Variants in RSPO2 observed in about 807,000 individuals in gnomAD.
RSPO2 encodes the protein R-spondin-2.
In RSPO2, 14 loss-of-function variants were observed where a neutral mutation model predicts 30.9. That is an observed-to-expected ratio of 0.45 (90% confidence interval 0.30 to 0.71). The LOEUF is 0.71. Among genes scored for constraint, RSPO2 ranks in the 30% least tolerant of loss-of-function variants. RSPO2 has a pLI of 0.08. For missense variants in RSPO2, 264 were observed against 301.9 expected (o/e 0.87, Z 0.93); for synonymous variants, 107 against 96.4 (o/e 1.11, Z -0.64).
chr8:108,044,587 C>G (rs1193858958), intron 2 of RSPO2, among the ~76,000 whole-genome samples: 1 of 151,780 alleles, frequency 6.6e-6, no homozygotes, highest in African/African-American at 2.4e-5. Flanking sequence ...ATATATGTAC[C>G]ATATTTTCTT....
chr8:107,938,250 C>T (rs1004567849), intron 5 of RSPO2, among the ~76,000 whole-genome samples: 1 of 152,014 alleles, frequency 6.6e-6, no homozygotes, highest in African/African-American at 2.4e-5. Flanking sequence ...AAAATTAACC[C>T]AGAAATACTC....
chr8:108,014,409 G>A (rs1810808655), intron 2 of RSPO2, among the ~76,000 whole-genome samples: 1 of 152,146 alleles, frequency 6.6e-6, no homozygotes, highest in Non-Finnish European at 1.5e-5. Context: ...GCTTATTGCA[G>A]TACTGTTCAC....
chr8:108,045,745 T>C (rs1023835641), intron 2 of RSPO2, among the ~76,000 whole-genome samples: 3 of 152,288 alleles, frequency 2.0e-5, no homozygotes, highest in Admixed American at 6.5e-5. Context: ...CTGTATATGT[T>C]ATACTGATAC....
chr8:107,933,242 T>C (rs1169908709), intron 5 of RSPO2, among the ~76,000 whole-genome samples: 1 of 152,178 alleles, frequency 6.6e-6, no homozygotes, highest in Non-Finnish European at 1.5e-5. Flanking sequence ...AGAAATCAGA[T>C]GGCATCATTT....
chr8:108,037,892 C>A (rs957964880), intron 2 of RSPO2, among the ~76,000 whole-genome samples: 1 of 152,192 alleles, frequency 6.6e-6, no homozygotes, highest in African/African-American at 2.4e-5. Flanking sequence ...TGACAATGCA[C>A]CTGGGTCAAC....
At position 108,077,588 on chromosome 8, in the gene RSPO2, C is replaced by T. The variant is rs567710833; in HGVS notation, c.94+4957G>A. ...TGAAAATCTTTTAGTTCTGAAATCC[C>T]GATCCTCCATAATTATACTATACTC... is the stretch of plus-strand genomic sequence containing the variant. On this transcript the variant is annotated intron_variant, in intron 2 of 5. Coordinates refer to ENST00000276659, the MANE Select transcript of RSPO2 (RefSeq NM_178565.5). Among the ~76,000 whole-genome samples, 8 of 149,924 alleles carry T rather than the reference C, an allele frequency of 5.3e-5. No homozygotes were observed. The East Asian group carries it at 1.4e-3, about 26-fold the overall frequency.
intron 2 of RSPO2, among the ~76,000 whole-genome samples, chr8:108,067,969 T>C (rs1203877824): frequency 6.6e-6 from 1 of 152,056 alleles, no homozygotes; most frequent in African/African-American, 2.4e-5. Context: ...CTCAGGAGGC[T>C]GAGGCGGGAG....
intron 3 of RSPO2, among the ~76,000 whole-genome samples, chr8:107,976,863 T>C (rs1418877950): frequency 6.6e-6 from 1 of 152,242 alleles, no homozygotes; most frequent in Non-Finnish European, 1.5e-5. Flanking sequence ...GTAGAAGCTA[T>C]AGTTCAATCA....
intron 2 of RSPO2, among the ~76,000 whole-genome samples, chr8:108,019,033 G>A (rs1479676963): frequency 6.6e-6 from 1 of 152,154 alleles, no homozygotes; most frequent in South Asian, 2.1e-4. Context: ...AGCAAACTTG[G>A]TAGAAGATTA....
chr8:107,963,231 T>TAAA (rs5893893), intron 3 of RSPO2, among the ~76,000 whole-genome samples: 1 of 144,754 alleles, frequency 6.9e-6, no homozygotes. Flanking sequence ...ATTGTTAAGT[T>TAAA]AAAAAAAAAA....
At chr8:107,998,583 G>GA (rs1171033387) in intron 2 of RSPO2, among the ~76,000 whole-genome samples, 1 of 152,032 alleles carries the variant, frequency 6.6e-6, no homozygotes, top group African/African-American at 2.4e-5. Context: ...GCCTTGGATA[G>GA]AAAATAAATA....
chr8:108,017,247 G>T (rs28846813), intron 2 of RSPO2, among the ~76,000 whole-genome samples: 23 of 152,082 alleles, frequency 1.5e-4, no homozygotes, highest in South Asian at 4.1e-4. Context: ...TCGATCTCAT[G>T]ACCTCGTGAT....
At chr8:108,013,411 A>T (rs1229509161) in intron 2 of RSPO2, among the ~76,000 whole-genome samples, 8 of 152,158 alleles carry the variant, frequency 5.3e-5, no homozygotes, top group Admixed American at 5.2e-4. Flanking sequence ...TTCAGTAGAG[A>T]TTAGTATTAG....
intron 2 of RSPO2, among the ~76,000 whole-genome samples, chr8:108,054,793 A>G (rs186149063): frequency 1.1e-3 from 175 of 152,232 alleles, no homozygotes; most frequent in African/African-American, 4.1e-3. Context: ...GCCGCACCCT[A>G]GTCCTGGTCC....
At chr8:107,991,478 G>A (rs757567997) in intron 2 of RSPO2, among the ~76,000 whole-genome samples, 3 of 152,076 alleles carry the variant, frequency 2.0e-5, no homozygotes, top group Non-Finnish European at 4.4e-5. Context: ...ATACCATTTA[G>A]GACATAGGCA....
At chr8:107,901,626 T>C (rs1182641623) in intron 5 of RSPO2, among the ~76,000 whole-genome samples, 2 of 152,230 alleles carry the variant, frequency 1.3e-5, no homozygotes, top group Admixed American at 6.5e-5. Flanking sequence ...TCTCTCCCTT[T>C]CCCCATGGGG....
intron 5 of RSPO2, among the ~76,000 whole-genome samples, chr8:107,928,230 G>T (rs1171679143): frequency 1.3e-5 from 2 of 152,072 alleles, no homozygotes; most frequent in East Asian, 1.9e-4. Context: ...TAGCCACCAG[G>T]TTCCATATAA....
chr8:107,913,183 T>C (rs58488283), intron 5 of RSPO2, among the ~76,000 whole-genome samples: 14,691 of 152,100 alleles, frequency 0.097, 828 homozygotes, highest in East Asian at 0.18. Flanking sequence ...GATTTGAACT[T>C]ATGTAGTCTG....
At chr8:107,985,737 G>A (rs1814600844) in intron 3 of RSPO2, among the ~76,000 whole-genome samples, 1 of 152,088 alleles carries the variant, frequency 6.6e-6, no homozygotes, top group African/African-American at 2.4e-5. Flanking sequence ...TAATGAATGA[G>A]AAAAAATATG....
Sources: allele counts gnomAD v4.1 joint callset (sites outside exome capture counted in the v4.1 genomes callset), GRCh38; gene constraint gnomAD v4.1.1; transcripts MANE v1.5; gene names NCBI Gene and HGNC (gene_info 2026-07-23, HGNC 2026-07-21).